Variants in STK17B observed in about 807,000 individuals in gnomAD.
The protein encoded by STK17B is serine/threonine-protein kinase 17B.
A neutral mutation model predicts 42.0 loss-of-function variants in STK17B; 21 were observed. That is an observed-to-expected ratio of 0.50 (90% CI 0.35 to 0.72). STK17B has a LOEUF of 0.72. STK17B is among the 30% of genes least tolerant of loss of function. The probability of loss-of-function intolerance (pLI) is 0.00; values close to 1 mark genes in which losing one functional copy is unlikely to be tolerated. For synonymous variants in STK17B, 143 were observed against 148.4 expected (o/e 0.96, Z 0.26); for missense variants, 349 against 446.0 (o/e 0.78, Z 1.96).
chr2:196,138,939 G>T (rs1559407706), intron 7 of STK17B, among the ~76,000 whole-genome samples: 1 of 151,868 alleles, frequency 6.6e-6, no homozygotes, highest in Non-Finnish European at 1.5e-5. Flanking sequence ...ATCAGTAAAT[G>T]ATACTTGTTA....
chr2:196,165,103 C>T (rs1575187041), intron 1 of STK17B, among the ~76,000 whole-genome samples: 1 of 152,340 alleles, frequency 6.6e-6, no homozygotes, highest in Admixed American at 6.5e-5. Flanking sequence ...ACCCTAACCC[C>T]TGTATCTCAT....
At chr2:196,153,953 A>T (rs1699702796) in intron 3 of STK17B, 1 of 152,114 alleles carries the variant, frequency 6.6e-6, no homozygotes. Context: ...AGAAGATAAT[A>T]TTGGCCAGGA....
chr2:196,160,198 A>ACCCTTCTGCATTC (rs200401106), intron 2 of STK17B, among the ~76,000 whole-genome samples: 13,187 of 152,030 alleles, frequency 0.087, 733 homozygotes, highest in Non-Finnish European at 0.12. Flanking sequence ...TCTAGTAGTT[A>ACCCTTCTGCATTC]CCCTTCTGCA....
chr2:196,166,816 A>T (rs1005972744), intron 1 of STK17B, among the ~76,000 whole-genome samples: 4 of 152,206 alleles, frequency 2.6e-5, no homozygotes, highest in Non-Finnish European at 5.9e-5. Flanking sequence ...GCTCTATTTT[A>T]AAAAGTATTT....
At chr2:196,174,113 C>G (rs1409302798), upstream of STK17B, 1 of 152,194 alleles carries the variant, frequency 6.6e-6, no homozygotes, top group African/African-American at 2.4e-5. Context: ...CCAGAACTGT[C>G]TGTTGTTTAA....
At chr2:196,156,674 A>G (rs1005206778) in intron 2 of STK17B, 23 bp from the exon 3 acceptor site, 3 of 1,577,562 alleles carry the variant, frequency 1.9e-6, no homozygotes, top group Non-Finnish European at 2.6e-6. Flanking sequence ...GAGAACAATC[A>G]ATTTTAATTT....
intron 5 of STK17B, among the ~76,000 whole-genome samples, chr2:196,142,632 C>G (rs1289267292): frequency 1.3e-5 from 2 of 152,290 alleles, no homozygotes; most frequent in East Asian, 3.9e-4. Context: ...ATTAATAAAG[C>G]CTTTAAATCA....
chr2:196,139,636 A>G lies in STK17B; in HGVS notation c.820T>C (p.Leu274=). ...ATTACTTACTCTGGATTTTTTACTA[A>G]AAGGCTCTGAATAAAGTCTGTGGCC... ...QLATDFIQSL[L]VKNPEKRPTA... is the part of the protein sequence containing the mutation. Residue 274 remains leucine, a synonymous_variant, in exon 7 of 8, where the codon TTA becomes CTA. Coordinates refer to ENST00000263955, the MANE Select transcript of STK17B (RefSeq NM_004226.4). 1 of 1,389,332 alleles carries G rather than the reference A, an allele frequency of 7.2e-7. No homozygotes were observed. The highest frequency in any genetic ancestry group is 9.4e-7 in the Non-Finnish European group (1 of 1,063,136). The allele number at this position is 1,389,332 out of a possible 1,614,324, so 86.1% of individuals were successfully genotyped here.
intron 5 of STK17B, among the ~76,000 whole-genome samples, chr2:196,143,048 C>T (rs1699515408): frequency 6.6e-6 from 1 of 152,180 alleles, no homozygotes; most frequent in South Asian, 2.1e-4. Context: ...TTTCACAACC[C>T]TATGCAAAAC....
upstream of STK17B, among the ~76,000 whole-genome samples, chr2:196,173,707 C>A (rs1304970865): frequency 6.6e-6 from 1 of 152,198 alleles, no homozygotes; most frequent in Admixed American, 6.5e-5. Flanking sequence ...CTCCAGGTGA[C>A]CTGATGGTCA....
chr2:196,174,625 C>G (rs530589640), upstream of STK17B, among the ~76,000 whole-genome samples: 1 of 152,348 alleles, frequency 6.6e-6, no homozygotes, highest in East Asian at 1.9e-4. Context: ...GGCTCAACCC[C>G]CCACCCAACA....
intron 1 of STK17B, among the ~76,000 whole-genome samples, chr2:196,169,881 C>T (rs1421733468): frequency 6.8e-6 from 1 of 147,526 alleles, no homozygotes; most frequent in African/African-American, 2.6e-5. Context: ...ATTTTGGATC[C>T]CTACTTTAGA....
At position 196,171,546 on chromosome 2, in the gene STK17B, G is replaced by T. The variant is rs879800545; in HGVS notation, c.-258C>A. 6.6e-6 allele frequency: 1 copy of T among 152,254 alleles called. No individual in the cohort carries two copies. The highest frequency in any genetic ancestry group is 1.5e-5 in the Non-Finnish European group (1 of 68,066). The allele number at this position is 152,254 out of a possible 1,614,324, so 9.4% of individuals were successfully genotyped here. ...TGAAGTGACTCCTGGCGACAGCAGC[G>T]GAGAGGACTACCGAAGCTTGCAGTC... On this transcript the variant is annotated 5_prime_UTR_variant, in exon 1 of 8. Transcript: ENST00000263955.
At chr2:196,144,624 G>A (rs1387775078) in intron 4 of STK17B, among the ~76,000 whole-genome samples, 2 of 151,906 alleles carry the variant, frequency 1.3e-5, no homozygotes, top group Non-Finnish European at 2.9e-5. Context: ...AGTACAATGG[G>A]ATGATTCTGG....
intron 3 of STK17B, among the ~76,000 whole-genome samples, chr2:196,149,715 T>A (rs1333855949): frequency 6.6e-6 from 1 of 152,114 alleles, no homozygotes; most frequent in African/African-American, 2.4e-5. Flanking sequence ...TAAAAGTACA[T>A]ACGCACAGAC....
chr2:196,166,057 C>T (rs574562479), intron 1 of STK17B: 1 of 152,332 alleles, frequency 6.6e-6, no homozygotes, highest in South Asian at 2.1e-4. Context: ...GTACCAATTT[C>T]CTCATAAGTT....
In STK17B at chr2:196,149,108, A is replaced by G. The variant is rs115437796; in HGVS notation, c.336-3053T>C. Among the ~76,000 whole-genome samples, 590 of 152,320 alleles carry G rather than the reference A, an allele frequency of 3.9e-3. 1 individual carries two copies. The highest frequency in any genetic ancestry group is 6.4e-3 in the Non-Finnish European group (437 of 68,018). On this transcript the variant is annotated intron_variant, in intron 3 of 7. Coordinates refer to ENST00000263955, the MANE Select transcript of STK17B (RefSeq NM_004226.4). Reference sequence around the variant, plus strand: ...TAGAAGAATCAAAGCAGATCGTTTCAATAAATACTTATCACAGTGTCTGAC... The same window carrying G: ...TAGAAGAATCAAAGCAGATCGTTTCGATAAATACTTATCACAGTGTCTGAC...
chr2:196,156,929 C>T (rs1384576914), intron 2 of STK17B, among the ~76,000 whole-genome samples: 1 of 152,146 alleles, frequency 6.6e-6, no homozygotes, highest in Non-Finnish European at 1.5e-5. Flanking sequence ...TCTTGGGAGG[C>T]CGAGGCAGGC....
chr2:196,147,002 C>T lies in STK17B; in HGVS notation c.336-947G>A, dbSNP rs1699586168. On this transcript the variant is annotated intron_variant, in intron 3 of 7. Transcript: ENST00000263955. ...AATTCCTAGGTTTGGAATGAATTAT[C>T]GAAACATAAATCCTAACTCTTCTAT... Among the ~76,000 whole-genome samples the T allele has an allele frequency of 2.6e-5, 4 of 152,030 alleles. No individual in the cohort carries two copies. In the South Asian group the frequency reaches 6.2e-4, roughly 24 times the overall value.
Sources: gnomAD v4.1 joint callset for allele counts (sites outside exome capture counted in the v4.1 genomes callset) on GRCh38, gnomAD v4.1.1 for gene constraint, MANE v1.5 for transcripts, NCBI Gene and HGNC (gene_info 2026-07-23, HGNC 2026-07-21) for gene names.